ARID1B: variants seen among roughly 807,000 people sequenced by gnomAD.
ARID1B encodes AT-rich interactive domain-containing protein 1B.
Under a neutral mutation model 212.3 loss-of-function variants are expected in ARID1B, and 30 were observed. The observed-to-expected ratio is 0.14, with a 90% CI of 0.11 to 0.19. ARID1B has a LOEUF of 0.19. Among genes scored for constraint, ARID1B ranks in the 10% least tolerant of loss-of-function variants. The pLI is 1.00. For synonymous variants in ARID1B, 1,402 were observed against 1,301.7 expected, an observed-to-expected ratio of 1.08 and a Z score of -1.66; for missense variants, 2,891 against 3,204.0, an observed-to-expected ratio of 0.90 and a Z score of 2.36.
At chr6:156,879,139 G>A (rs906591704) in intron 2 of ARID1B, among the ~76,000 whole-genome samples, 7 of 152,180 alleles carry the variant, frequency 4.6e-5, no homozygotes, top group South Asian at 2.1e-4. Flanking sequence ...AGGAGTGTTC[G>A]CATCATACCC....
chr6:157,165,857 CATAAAA>C (rs1027550379), intron 8 of ARID1B, among the ~76,000 whole-genome samples: 4 of 152,010 alleles, frequency 2.6e-5, no homozygotes, highest in Admixed American at 6.5e-5. Context: ...CTCAAAAAAA[CATAAAA>C]ATAAAAAAAT....
At chr6:157,145,816 G>A (rs1418131215) in intron 7 of ARID1B, among the ~76,000 whole-genome samples, 4 of 152,144 alleles carry the variant, frequency 2.6e-5, no homozygotes, top group African/African-American at 7.2e-5. Flanking sequence ...TCACAGCCCC[G>A]TGCCTTAGGC....
chr6:156,844,221 C>T (rs1041153501), intron 2 of ARID1B, among the ~76,000 whole-genome samples: 3 of 152,172 alleles, frequency 2.0e-5, no homozygotes, highest in African/African-American at 7.2e-5. Context: ...ACAGGGCTGC[C>T]GCTTACAGGC....
At chr6:156,848,247 G>A (rs574463433) in intron 2 of ARID1B, among the ~76,000 whole-genome samples, 2 of 152,330 alleles carry the variant, frequency 1.3e-5, no homozygotes, top group East Asian at 3.9e-4. Flanking sequence ...CTTTATTGAA[G>A]AGAACAGCTT....
rs184680611 is a variant in ARID1B, at chr6:156,877,534, T to C, written c.1987-23842T>C. 3.3e-5 allele frequency among the ~76,000 whole-genome samples: 5 copies of C among 152,226 alleles called. No homozygotes were observed. The East Asian group carries it at 9.7e-4, about 29-fold the overall frequency. On this transcript the variant is annotated intron_variant, in intron 2 of 19. Coordinates refer to ENST00000636930, the MANE Select transcript of ARID1B (RefSeq NM_001374828.1). ...AATAACGTGTCTCCCTATATTAAAA[T>C]TACCTGTAGCTATTGAATGTGTCCC...
intron 4 of ARID1B, chr6:156,938,360 G>A (rs536091989): frequency 1.3e-5 from 2 of 152,290 alleles, no homozygotes; most frequent in East Asian, 1.9e-4. Context: ...CCATGAAGCT[G>A]TATTTGTTAT....
At chr6:156,952,442 C>T (rs139035466) in intron 4 of ARID1B, among the ~76,000 whole-genome samples, 228 of 152,356 alleles carry the variant, frequency 1.5e-3, no homozygotes, top group Non-Finnish European at 2.6e-3. Flanking sequence ...CATAGGTCCA[C>T]CTCCAGCAAA....
intron 7 of ARID1B, among the ~76,000 whole-genome samples, chr6:157,144,071 G>T (rs1340481128): frequency 6.6e-6 from 1 of 152,242 alleles, no homozygotes; most frequent in Non-Finnish European, 1.5e-5. Flanking sequence ...ACTGGGCAAA[G>T]CTATTGAAAC....
At chr6:157,061,323 C>T (rs926781978) in intron 4 of ARID1B, among the ~76,000 whole-genome samples, 33 of 152,210 alleles carry the variant, frequency 2.2e-4, no homozygotes, top group Middle Eastern at 3.4e-3. Context: ...TATCTCAAAG[C>T]GGTGAAGATA....
intron 15 of ARID1B, among the ~76,000 whole-genome samples, chr6:157,192,303 C>A (rs1180130741): frequency 1.3e-5 from 2 of 151,962 alleles, no homozygotes; most frequent in African/African-American, 4.8e-5. Flanking sequence ...TATTGCAAAC[C>A]ATTCCCATAT....
At chr6:157,035,942 A>T (rs931998058) in intron 4 of ARID1B, among the ~76,000 whole-genome samples, 1 of 152,348 alleles carries the variant, frequency 6.6e-6, no homozygotes, top group Non-Finnish European at 1.5e-5. Flanking sequence ...AGCAGGATAC[A>T]TTAGATAGGC....
intron 1 of ARID1B, among the ~76,000 whole-genome samples, chr6:156,809,812 A>G (rs568677318): frequency 1.3e-5 from 2 of 152,196 alleles, no homozygotes; most frequent in African/African-American, 4.8e-5. Flanking sequence ...GGCCACCAGA[A>G]AGTGGAGCGG....
At chr6:156,978,770 AAG>A (rs1248238248) in intron 4 of ARID1B, among the ~76,000 whole-genome samples, 1 of 152,232 alleles carries the variant, frequency 6.6e-6, no homozygotes. Flanking sequence ...TTAGTGTAAA[AAG>A]AATTACCATA....
chr6:157,020,351 T>C (rs1361628971), intron 4 of ARID1B, among the ~76,000 whole-genome samples: 1 of 152,250 alleles, frequency 6.6e-6, no homozygotes, highest in Non-Finnish European at 1.5e-5. Context: ...GGATGTAATT[T>C]AAACATGTCT....
rs1554237658 is a variant in ARID1B at position 157,206,917 on chromosome 6, C to G, written c.6145C>G (p.Arg2049Gly). ...IKLLEDEPRS[R>G]DETPLCTIAH... ...GCTGCTGGAGGACGAGCCCAGGAGC[C>G]GAGACGAGACTCCTCTGTGTACCAT... Residue 2049 changes from arginine to glycine, a missense_variant, in exon 20 of 20, where the codon CGA (arginine) becomes GGA (glycine). Around this residue, in one of 7 missense-constraint regions of ARID1B, gnomAD observed 332 missense variants for 369.2 expected, o/e 0.90. Transcript: ENST00000636930. The surrounding 1 kb of genome is among the most constrained non-coding windows in gnomAD (Gnocchi z 6.8). 3.1e-6 allele frequency: 5 copies of G among 1,614,146 alleles called. No homozygotes were observed. The highest frequency in any genetic ancestry group is 4.2e-6 in the Non-Finnish European group (5 of 1,180,024).
intron 2 of ARID1B, among the ~76,000 whole-genome samples, chr6:156,898,528 G>T (rs1043814421): frequency 1.3e-5 from 2 of 152,190 alleles, no homozygotes; most frequent in Non-Finnish European, 2.9e-5. Context: ...TCCAGCAGAA[G>T]GCTCTGGGGC....
At chr6:156,952,078 C>A (rs970990827) in intron 4 of ARID1B, among the ~76,000 whole-genome samples, 2 of 152,130 alleles carry the variant, frequency 1.3e-5, no homozygotes, top group Non-Finnish European at 2.9e-5. Flanking sequence ...AAAACGTGTA[C>A]CAGGGTGGAA....
chr6:156,848,842 C>T (rs1342362773), intron 2 of ARID1B, among the ~76,000 whole-genome samples: 1 of 152,204 alleles, frequency 6.6e-6, no homozygotes, highest in Non-Finnish European at 1.5e-5. Flanking sequence ...AGTCTTAGCT[C>T]TGTCATCATA....
chr6:157,001,486 A>T (rs570688952), intron 4 of ARID1B, among the ~76,000 whole-genome samples: 1 of 152,220 alleles, frequency 6.6e-6, no homozygotes, highest in African/African-American at 2.4e-5. Flanking sequence ...TCTAGGGGAG[A>T]GGAGCCTGAG....
Sources: allele counts gnomAD v4.1 joint callset (sites outside exome capture counted in the v4.1 genomes callset), GRCh38; gene constraint gnomAD v4.1.1; regional missense constraint gnomAD v4.1.1; non-coding constraint Gnocchi (gnomAD v3.1); transcripts MANE v1.5; gene names NCBI Gene and HGNC (gene_info 2026-07-23, HGNC 2026-07-21).